ZNF892: variants seen among roughly 807,000 people sequenced by gnomAD.
ZNF892 encodes zinc finger protein 892.
the ZNF892 span, chr2:95,211,515 T>C: frequency 2.5e-6 from 1 of 395,946 alleles, no homozygotes; most frequent in Non-Finnish European, 4.5e-6. Flanking sequence ...TGTCCTTTTT[T>C]TATCCTTTCT....
At chr2:95,207,148 G>A in the ZNF892 span, among the ~76,000 whole-genome samples, 5,153 of 152,348 alleles carry the variant, frequency 0.034, 142 homozygotes, top group Middle Eastern at 0.095. Flanking sequence ...TGGCCACGAA[G>A]GGCCGATGCA....
At chr2:95,255,289 C>G in the ZNF892 span, among the ~76,000 whole-genome samples, 1 of 152,242 alleles carries the variant, frequency 6.6e-6, no homozygotes, top group East Asian at 1.9e-4. Context: ...TCTTTGTTCT[C>G]GTTGGTTTCA....
the ZNF892 span, among the ~76,000 whole-genome samples, chr2:95,244,170 C>A: frequency 4.0e-5 from 6 of 149,990 alleles, no homozygotes; most frequent in Non-Finnish European, 8.9e-5. Context: ...CATCACCACT[C>A]CCTAATCTCA....
At chr2:95,206,790 T>C in the ZNF892 span, among the ~76,000 whole-genome samples, 2 of 152,154 alleles carry the variant, frequency 1.3e-5, no homozygotes, top group Non-Finnish European at 2.9e-5. Context: ...GGGGGTTGGG[T>C]AAGGAGCCCT....
At chr2:95,212,013 A>G in the ZNF892 span, among the ~76,000 whole-genome samples, 5 of 152,196 alleles carry the variant, frequency 3.3e-5, no homozygotes, top group Non-Finnish European at 4.4e-5. Context: ...TATTCTTTAA[A>G]TAGGGGGAGG....
chr2:95,249,249 T>G, the ZNF892 span, among the ~76,000 whole-genome samples: 3 of 126,848 alleles, frequency 2.4e-5, no homozygotes, highest in African/African-American at 8.9e-5. Context: ...TTTTTTTTTT[T>G]TTTTTTTCTG....
At chr2:95,239,515 G>A in the ZNF892 span, among the ~76,000 whole-genome samples, 4 of 152,146 alleles carry the variant, frequency 2.6e-5, no homozygotes, top group African/African-American at 9.7e-5. Flanking sequence ...AATTGTCACA[G>A]CCACCCCAAC....
chr2:95,238,854 C>T, the ZNF892 span, among the ~76,000 whole-genome samples: 44 of 152,160 alleles, frequency 2.9e-4, no homozygotes, highest in East Asian at 7.4e-3. Context: ...GAAGTGGAGC[C>T]TGGGCCAGGC....
chr2:95,240,307 G>A, the ZNF892 span, among the ~76,000 whole-genome samples: 1 of 152,152 alleles, frequency 6.6e-6, no homozygotes, highest in Admixed American at 6.5e-5. Flanking sequence ...CATGAAGAAT[G>A]AAGAAAAGCA....
chr2:95,253,020 C>A, the ZNF892 span, among the ~76,000 whole-genome samples: 1 of 152,068 alleles, frequency 6.6e-6, no homozygotes, highest in East Asian at 1.9e-4. Context: ...CAAAAATTTT[C>A]TCCCATTCTA....
At chr2:95,226,598 C>T in the ZNF892 span, among the ~76,000 whole-genome samples, 1 of 152,152 alleles carries the variant, frequency 6.6e-6, no homozygotes, top group Non-Finnish European at 1.5e-5. Flanking sequence ...TGGGGTGTTT[C>T]TCTGAAGAAG....
chr2:95,254,476 A>G, the ZNF892 span, among the ~76,000 whole-genome samples: 3 of 152,134 alleles, frequency 2.0e-5, no homozygotes, highest in African/African-American at 7.2e-5. Flanking sequence ...TGCTGGATTC[A>G]GTTTGCCAGT....
At chr2:95,207,834 G>T in the ZNF892 span, 2 of 398,632 alleles carry the variant, frequency 5.0e-6, no homozygotes, top group Non-Finnish European at 8.8e-6. Context: ...TGAGGGCAGA[G>T]GTGAGGATTT....
At chr2:95,214,351 C>T in the ZNF892 span, 1 of 398,222 alleles carries the variant, frequency 2.5e-6, no homozygotes, top group African/African-American at 2.1e-5. Context: ...GAAACAATAC[C>T]AGAAAGCAAG....
chr2:95,208,391 T>TATA, the ZNF892 span, among the ~76,000 whole-genome samples: 1 of 152,244 alleles, frequency 6.6e-6, no homozygotes, highest in South Asian at 2.1e-4. Context: ...TTTTGACTAC[T>TATA]TAGCACATGC....
At chr2:95,224,503 C>T in the ZNF892 span, among the ~76,000 whole-genome samples, 1 of 152,120 alleles carries the variant, frequency 6.6e-6, no homozygotes, top group Non-Finnish European at 1.5e-5. Context: ...AAAGGGGAAA[C>T]AGGCTCATCT....
At chr2:95,211,276 C>T in the ZNF892 span, among the ~76,000 whole-genome samples, 1 of 152,212 alleles carries the variant, frequency 6.6e-6, no homozygotes, top group African/African-American at 2.4e-5. Context: ...TTCATAATTA[C>T]ATTTTTCTCT....
the ZNF892 span, among the ~76,000 whole-genome samples, chr2:95,223,287 A>C: frequency 2.0e-5 from 3 of 152,166 alleles, no homozygotes; most frequent in African/African-American, 7.2e-5. Context: ...TTGTTATCCA[A>C]ATACAGGCTA....
chr2:95,222,906 G>T, the ZNF892 span, among the ~76,000 whole-genome samples: 1 of 152,084 alleles, frequency 6.6e-6, no homozygotes, highest in Non-Finnish European at 1.5e-5. Context: ...TCCATTTTAG[G>T]TAATTTTTAT....
Sources: allele counts gnomAD v4.1 joint callset (sites outside exome capture counted in the v4.1 genomes callset), GRCh38; gene constraint gnomAD v4.1.1; transcripts MANE v1.5; gene names NCBI Gene and HGNC (gene_info 2026-07-23, HGNC 2026-07-21).